SNED1: variants seen among roughly 807,000 people sequenced by gnomAD.
SNED1 encodes the protein sushi, nidogen and EGF-like domain-containing protein 1.
A neutral mutation model predicts 166.7 loss-of-function variants in SNED1; 81 were observed. The observed-to-expected ratio is 0.49, with a 90% CI of 0.41 to 0.58. The LOEUF (loss-of-function observed/expected upper bound fraction) is 0.58, where lower values mean the gene tolerates loss of function less well. Among genes scored for constraint, SNED1 ranks in the 20% least tolerant of loss-of-function variants. SNED1 has a pLI of 0.00. For missense variants in SNED1, 1,604 were observed against 2,000.2 expected (o/e 0.80, Z 3.78); for synonymous variants, 762 against 822.0 (o/e 0.93, Z 1.25).
At chr2:241,084,373 C>G (rs1659436091) in intron 29 of SNED1, among the ~76,000 whole-genome samples, 1 of 152,132 alleles carries the variant, frequency 6.6e-6, no homozygotes, top group South Asian at 2.1e-4. Context: ...AGGCTGGTCT[C>G]AAACTCATGA....
rs527491680 is a variant in SNED1 at position 241,072,037 on chromosome 2, G to A, written c.3817+159G>A. The A allele has an allele frequency of 1.4e-3, 995 of 734,686 alleles. 5 individuals carry two copies. In the African/African-American group the frequency reaches 0.015, roughly 11 times the overall value. 45.5% of individuals were successfully genotyped at this position (734,686 alleles called of 1,614,324 possible). On this transcript the variant is annotated intron_variant, in intron 26 of 31. Transcript: ENST00000310397. ...CGACTGTGCACAAGGCGCGGGGCTC[G>A]TGGGCCGCCGGCAGCATGCACCTCC...
At position 241,062,891 on chromosome 2, in the gene SNED1, C is replaced by G; in HGVS notation, c.2358C>G (p.Ala786=). ...LCLCSTGYEG[A]HCELERDECR... Reference sequence around the variant, plus strand: ...TCTGCAGCACAGGCTATGAGGGCGCCCACTGTGAGCTGGGTAAGAGGGGCC... The same window carrying G: ...TCTGCAGCACAGGCTATGAGGGCGCGCACTGTGAGCTGGGTAAGAGGGGCC... Residue 786 remains alanine, a synonymous_variant, in exon 17 of 32, where the codon GCC becomes GCG. Transcript: ENST00000310397. 6.2e-7 allele frequency: 1 copy of G among 1,601,598 alleles called. No homozygotes were observed. The highest frequency in any genetic ancestry group is 8.5e-7 in the Non-Finnish European group (1 of 1,175,204).
intron 1 of SNED1, among the ~76,000 whole-genome samples, chr2:241,009,058 G>A (rs977076100): frequency 2.6e-5 from 4 of 152,244 alleles, no homozygotes; most frequent in African/African-American, 9.6e-5. Context: ...TGGAGCTTGG[G>A]TCCTGAAGGA....
At chr2:241,029,881 T>A (rs1352696346) in intron 1 of SNED1, among the ~76,000 whole-genome samples, 4 of 152,212 alleles carry the variant, frequency 2.6e-5, no homozygotes, top group African/African-American at 9.6e-5. Context: ...TTAGCTCAGA[T>A]ACTGGGGCTC....
chr2:241,014,403 G>A (rs1209709100), intron 1 of SNED1, among the ~76,000 whole-genome samples: 3 of 152,186 alleles, frequency 2.0e-5, no homozygotes, highest in South Asian at 2.1e-4. Flanking sequence ...TTTCTGAGCC[G>A]TGGGATGTGC....
At position 241,082,362 on chromosome 2, in the gene SNED1, C is replaced by T. The variant is rs766375001; in HGVS notation, c.4119C>T (p.His1373=). The change falls in exon 29 of 32, where the codon CAC becomes CAT. Residue 1373 remains histidine, a splice_region_variant and synonymous_variant. Coordinates refer to ENST00000310397, the MANE Select transcript of SNED1 (RefSeq NM_001080437.3). ...TCTGGGAGGGAGGCGTCTGTCACCA[C>T]GTGTAAGTTGGTTTCTGTCCTCCGC... ...FPVWEGGVCH[H]VYKRVYRVHQ... is the part of the protein sequence containing the mutation. The T allele has an allele frequency of 4.3e-6, 7 of 1,612,354 alleles. No individual in the cohort carries two copies. The highest frequency in any genetic ancestry group is 1.7e-4 in the Middle Eastern group (1 of 6,058).
rs768765232 is a variant in SNED1, at chr2:241,073,250, G to A, written c.3818-16G>A. The A allele has an allele frequency of 1.5e-5, 23 of 1,546,114 alleles. No homozygotes were observed. Among genetic ancestry groups the A allele is most frequent in the East Asian group, 7.3e-5 (3 of 40,856 alleles). On this transcript the variant is annotated splice_polypyrimidine_tract_variant and intron_variant, in intron 26 of 31. Coordinates refer to ENST00000310397, the MANE Select transcript of SNED1 (RefSeq NM_001080437.3). This position sits in a 1 kb window ranked among gnomAD's most constrained non-coding sequence, Gnocchi z 6.6. ...AAAGCAGCTGCGCCGTGTGGTCACC[G>A]CCTGGCTTCTCCTAGAACCCACAGC...
intron 21 of SNED1, among the ~76,000 whole-genome samples, chr2:241,066,757 G>A (rs1162944755): frequency 1.3e-5 from 2 of 152,120 alleles, no homozygotes; most frequent in African/African-American, 4.8e-5. Flanking sequence ...GGAGCTCGGC[G>A]GTTCTCACAG....
chr2:241,085,249 A>G (rs2063521602), intron 29 of SNED1, among the ~76,000 whole-genome samples: 2 of 152,118 alleles, frequency 1.3e-5, no homozygotes, highest in South Asian at 4.1e-4. Context: ...TGCGTGTATT[A>G]GACTGATATT....
chr2:241,071,649 C>T lies in SNED1; in HGVS notation c.3663C>T (p.Pro1221=), dbSNP rs1311302902. Residue 1221 remains proline (P), a synonymous_variant, in exon 25 of 32, where the codon CCC becomes CCT. Transcript: ENST00000310397. ...HHPRVLKNRP[P]PARLPELRLL... is the part of the protein sequence containing the mutation. ...CTCGGGTGCTCAAGAACAGACCGCC[C>T]CCGGCGCGCCTGCCGGAGCTGCGCC... 2 of 1,573,320 alleles carry T rather than the reference C, an allele frequency of 1.3e-6. No homozygotes were observed. The highest frequency in any genetic ancestry group is 2.7e-5 in the African/African-American group (2 of 74,292).
At chr2:241,020,365 C>T (rs1412799660) in intron 1 of SNED1, among the ~76,000 whole-genome samples, 2 of 152,222 alleles carry the variant, frequency 1.3e-5, no homozygotes, top group Admixed American at 1.3e-4. Flanking sequence ...AGCCACTGCC[C>T]AGGGGACGCC....
chr2:241,021,548 G>A (rs1261279318), intron 1 of SNED1, among the ~76,000 whole-genome samples: 2 of 152,132 alleles, frequency 1.3e-5, no homozygotes, highest in African/African-American at 4.8e-5. Context: ...ATAGTCTTTT[G>A]GGACTGGCTT....
At position 241,080,154 on chromosome 2, in the gene SNED1, C is replaced by T. The variant is rs186152340; in HGVS notation, c.3917-1523C>T. On this transcript the variant is annotated intron_variant, in intron 27 of 31. Transcript: ENST00000310397. ...CAAAAATTAGCCAGGCATGGTGGTG[C>T]GCGCCTGTAGTACCAGCTACTCGGG... Among the ~76,000 whole-genome samples the T allele has an allele frequency of 5.9e-4, 89 of 151,988 alleles. 1 individual carries two copies. Among genetic ancestry groups the T allele is most frequent in the African/African-American group, 1.8e-3 (73 of 41,436 alleles).
Position 241,092,232 on chromosome 2 carries a change from G to A in SNED1, c.*596G>A, listed in dbSNP as rs2064074080. ...GTGCAGGTCGACGAGCCATCCTATG[G>A]ACTAGTTAACACTAAGGTGGAGTTC... On this transcript the variant is annotated 3_prime_UTR_variant, in exon 32 of 32. Coordinates refer to ENST00000310397, the MANE Select transcript of SNED1 (RefSeq NM_001080437.3). This position sits in a 1 kb window ranked among gnomAD's most constrained non-coding sequence, Gnocchi z 4.6. The A allele has an allele frequency of 6.6e-6, 1 of 152,188 alleles. No individual in the cohort carries two copies. The highest frequency in any genetic ancestry group is 2.4e-5 in the African/African-American group (1 of 41,432). 9.4% of individuals were successfully genotyped at this position (152,188 alleles called of 1,614,324 possible).
chr2:241,033,639 A>G, intron 2 of SNED1, 96 bp from the exon 3 acceptor site: 1 of 1,362,170 alleles, frequency 7.3e-7, no homozygotes, highest in East Asian at 2.6e-5. Context: ...CCAGGGGCCC[A>G]GTGGACAATG....
chr2:241,082,177 C>A, intron 28 of SNED1, 100 bp from the exon 29 acceptor site: 1 of 926,322 alleles, frequency 1.1e-6, no homozygotes, highest in Non-Finnish European at 1.7e-6. Flanking sequence ...GGAAGCCAGC[C>A]TAAGGACCCC....
chr2:241,057,437 T>C (rs1010703524), intron 16 of SNED1, among the ~76,000 whole-genome samples: 1 of 136,474 alleles, frequency 7.3e-6, no homozygotes, highest in Admixed American at 8.4e-5. Flanking sequence ...CTCACACATA[T>C]AATGGGAGGT....
intron 1 of SNED1, among the ~76,000 whole-genome samples, chr2:241,026,793 A>C (rs2060984746): frequency 1.3e-5 from 2 of 152,240 alleles, no homozygotes; most frequent in African/African-American, 4.8e-5. Context: ...TGTGTGGTTC[A>C]ATGATTAAAG....
intron 21 of SNED1, among the ~76,000 whole-genome samples, chr2:241,067,229 G>A (rs992567897): frequency 7.2e-5 from 11 of 152,340 alleles, no homozygotes; most frequent in African/African-American, 2.6e-4. Flanking sequence ...TGCCCTCTGG[G>A]CTCTGCCTGG....
Sources: gnomAD v4.1 joint callset for allele counts (sites outside exome capture counted in the v4.1 genomes callset) on GRCh38, gnomAD v4.1.1 for gene constraint, Gnocchi (gnomAD v3.1) non-coding constraint, MANE v1.5 for transcripts, NCBI Gene and HGNC (gene_info 2026-07-23, HGNC 2026-07-21) for gene names.